Variants in CFAP299 observed in about 807,000 individuals in gnomAD.
CFAP299 encodes the protein cilia and flagella associated protein 299.
In CFAP299, 21 loss-of-function variants were observed where a neutral mutation model predicts 27.0. The observed-to-expected ratio is 0.78, with a 90% CI of 0.55 to 1.12. The LOEUF (loss-of-function observed/expected upper bound fraction) is 1.12, where lower values mean the gene tolerates loss of function less well. Ranked by LOEUF, CFAP299 falls within the 50% of genes most tolerant of loss-of-function variation. The probability of loss-of-function intolerance (pLI) is 0.00; values close to 1 mark genes in which losing one functional copy is unlikely to be tolerated. For synonymous variants in CFAP299, 104 were observed against 98.1 expected (o/e 1.06, Z -0.36); for missense variants, 310 against 276.6 (o/e 1.12, Z -0.86).
chr4:80,587,568 T>C (rs1158652277), intron 3 of CFAP299, among the ~76,000 whole-genome samples: 1 of 152,186 alleles, frequency 6.6e-6, no homozygotes, highest in East Asian at 1.9e-4. Context: ...AAAGCACATC[T>C]AAGCCTAAAA....
intron 3 of CFAP299, among the ~76,000 whole-genome samples, chr4:80,644,687 C>T (rs958575488): frequency 6.6e-6 from 1 of 152,044 alleles, no homozygotes; most frequent in Non-Finnish European, 1.5e-5. Flanking sequence ...TAGAGAATTC[C>T]AACTCTTGTT....
At chr4:80,675,907 G>A (rs929755567) in intron 3 of CFAP299, among the ~76,000 whole-genome samples, 6 of 152,234 alleles carry the variant, frequency 3.9e-5, no homozygotes, top group African/African-American at 1.4e-4. Flanking sequence ...AGCACAGTAT[G>A]TGGGTGGGAG....
chr4:80,574,547 G>T (rs1735751732), intron 2 of CFAP299, among the ~76,000 whole-genome samples: 1 of 152,120 alleles, frequency 6.6e-6, no homozygotes. Context: ...AAATCTTAGA[G>T]AAAAGACTTT....
rs370667062 is a variant in CFAP299, at chr4:80,931,599, C to A, written c.477-13211C>A. ...GAATCTACTCATTCCATAGCCATAG[C>A]ATGCCAATGATCAGTGCAAGGCAAG... On this transcript the variant is annotated intron_variant, in intron 4 of 5. Coordinates refer to ENST00000358105, the MANE Select transcript of CFAP299 (RefSeq NM_152770.3). Among the ~76,000 whole-genome samples, 616 of 152,240 alleles carry A rather than the reference C, an allele frequency of 4.0e-3. 1 individual carries two copies. Among genetic ancestry groups the A allele is most frequent in the Middle Eastern group, 0.014 (4 of 294 alleles).
intron 2 of CFAP299, among the ~76,000 whole-genome samples, chr4:80,409,973 G>A (rs762099554): frequency 7.9e-5 from 12 of 152,194 alleles, no homozygotes; most frequent in Non-Finnish European, 1.8e-4. Flanking sequence ...CTCTGGAGAA[G>A]GTCCAGCGAA....
At chr4:80,341,921 C>A (rs1444078769) in intron 1 of CFAP299, among the ~76,000 whole-genome samples, 2 of 152,154 alleles carry the variant, frequency 1.3e-5, no homozygotes, top group Non-Finnish European at 2.9e-5. Context: ...AAGCTAGAAT[C>A]ATGATAAAAC....
intron 3 of CFAP299, among the ~76,000 whole-genome samples, chr4:80,846,722 A>G (rs890207738): frequency 3.9e-5 from 6 of 152,106 alleles, no homozygotes; most frequent in African/African-American, 1.4e-4. Context: ...AGGCTTGTTC[A>G]TATCCTCTGT....
intron 2 of CFAP299, among the ~76,000 whole-genome samples, chr4:80,367,933 T>C (rs912154009): frequency 6.6e-6 from 1 of 152,194 alleles, no homozygotes; most frequent in Admixed American, 6.5e-5. Context: ...CATTGACTAT[T>C]GTGTTCCTAG....
chr4:80,433,177 G>T (rs769351968), intron 2 of CFAP299, among the ~76,000 whole-genome samples: 7 of 151,878 alleles, frequency 4.6e-5, no homozygotes, highest in Middle Eastern at 3.4e-3. Context: ...GAAAAAAAAA[G>T]ATTCATAAAA....
chr4:80,491,292 G>A (rs1731121113), intron 2 of CFAP299, among the ~76,000 whole-genome samples: 1 of 151,912 alleles, frequency 6.6e-6, no homozygotes, highest in African/African-American at 2.4e-5. Flanking sequence ...AGTTTTAAAT[G>A]TTCATAAAAT....
chr4:80,705,763 C>G (rs986102515), intron 3 of CFAP299, among the ~76,000 whole-genome samples: 2 of 151,816 alleles, frequency 1.3e-5, no homozygotes, highest in African/African-American at 4.8e-5. Flanking sequence ...AATTATCTAA[C>G]AATTGGAGAC....
At chr4:80,596,248 T>C (rs879854909) in intron 3 of CFAP299, among the ~76,000 whole-genome samples, 1 of 152,176 alleles carries the variant, frequency 6.6e-6, no homozygotes, top group Non-Finnish European at 1.5e-5. Flanking sequence ...CTTTGAGCTT[T>C]TCTGACAGAT....
At chr4:80,524,536 C>G (rs1205598219) in intron 2 of CFAP299, among the ~76,000 whole-genome samples, 3 of 152,002 alleles carry the variant, frequency 2.0e-5, no homozygotes, top group Non-Finnish European at 4.4e-5. Context: ...ACTAATCTAG[C>G]CTATGGCTTC....
intron 3 of CFAP299, among the ~76,000 whole-genome samples, chr4:80,667,441 C>T (rs1560687058): frequency 6.6e-6 from 1 of 152,114 alleles, no homozygotes. Context: ...CTTATTTCTT[C>T]TATCAAACTG....
chr4:80,952,780 A>G (rs764150312), intron 5 of CFAP299, among the ~76,000 whole-genome samples: 4 of 151,928 alleles, frequency 2.6e-5, no homozygotes, highest in Admixed American at 2.6e-4. Flanking sequence ...CTGCCCTCTC[A>G]GGCAACCCCC....
intron 2 of CFAP299, among the ~76,000 whole-genome samples, chr4:80,400,888 T>C (rs981128446): frequency 3.3e-5 from 5 of 152,190 alleles, no homozygotes; most frequent in Non-Finnish European, 7.3e-5. Context: ...GACAGTGATA[T>C]AGACAATAAG....
chr4:80,953,226 C>T (rs978564576), intron 5 of CFAP299, among the ~76,000 whole-genome samples: 1 of 152,132 alleles, frequency 6.6e-6, no homozygotes, highest in East Asian at 1.9e-4. Flanking sequence ...ATCACCAACA[C>T]CACTTTTTTG....
At chr4:80,945,042 A>C in intron 5 of CFAP299, 103 bp downstream of exon 5, 4 of 1,141,942 alleles carry the variant, frequency 3.5e-6, no homozygotes, top group Non-Finnish European at 5.1e-6. Context: ...TAAGTTGTTA[A>C]ATTTAGAAAG....
intron 2 of CFAP299, among the ~76,000 whole-genome samples, chr4:80,453,435 A>T (rs1728990396): frequency 6.6e-6 from 1 of 152,122 alleles, no homozygotes; most frequent in Non-Finnish European, 1.5e-5. Context: ...CTGTCTTATA[A>T]CCCCTAATTT....
Sources: gnomAD v4.1 joint callset for allele counts (sites outside exome capture counted in the v4.1 genomes callset) on GRCh38, gnomAD v4.1.1 for gene constraint, MANE v1.5 for transcripts, NCBI Gene and HGNC (gene_info 2026-07-23, HGNC 2026-07-21) for gene names.